NRDC: variants seen among roughly 807,000 people sequenced by gnomAD.
NRDC encodes the protein nardilysin convertase.
A neutral mutation model predicts 147.1 loss-of-function variants in NRDC; 54 were observed. The ratio of observed to expected loss-of-function variants is 0.37; its 90% CI spans 0.29 to 0.46. The LOEUF (loss-of-function observed/expected upper bound fraction) is 0.46. Among genes scored for constraint, NRDC ranks in the 20% least tolerant of loss-of-function variants. The pLI, the probability that NRDC is intolerant of heterozygous loss-of-function variation, is 1.00. For synonymous variants in NRDC, 440 were observed against 482.1 expected, an observed-to-expected ratio of 0.91 and a Z score of 1.14; for missense variants, 1,082 against 1,370.6, an observed-to-expected ratio of 0.79 and a Z score of 3.33.
chr1:51,805,087 C>T (rs932190773), intron 19 of NRDC, among the ~76,000 whole-genome samples: 6 of 152,204 alleles, frequency 3.9e-5, no homozygotes, highest in South Asian at 2.1e-4. Flanking sequence ...TTAGGGTCTC[C>T]GACCACCCAC....
Position 51,794,512 on chromosome 1 carries a change from T to C in NRDC, c.2735A>G (p.Asn912Ser). ...GACTTCAGAGTTGGCATCACCCTTG[T>C]TCAGAGCTTTCACTTTGCATAGATG... The part of the protein sequence containing the change: ...GHHLCKVKAL[N>S]KGDANSEVTV... The change falls in exon 24 of 31, where the codon AAC becomes AGC. Residue 912 changes from asparagine to serine, a missense_variant. Transcript: ENST00000352171. The C allele has an allele frequency of 6.2e-7, 1 of 1,614,182 alleles. No homozygotes were observed. Among genetic ancestry groups the C allele is most frequent in the East Asian group, 2.2e-5 (1 of 44,878 alleles).
intron 1 of NRDC, among the ~76,000 whole-genome samples, chr1:51,860,945 T>C (rs1046494097): frequency 6.6e-6 from 1 of 151,486 alleles, no homozygotes; most frequent in African/African-American, 2.4e-5. Context: ...CCAAGTGGTA[T>C]TACTTCTTTT....
intron 5 of NRDC, among the ~76,000 whole-genome samples, chr1:51,827,269 A>C (rs1012240510): frequency 6.6e-6 from 1 of 152,214 alleles, no homozygotes. Context: ...TAGACACTGC[A>C]TCAAACCAAG....
At chr1:51,869,628 C>G (rs1467326381) in intron 1 of NRDC, among the ~76,000 whole-genome samples, 2 of 152,122 alleles carry the variant, frequency 1.3e-5, no homozygotes, top group Admixed American at 1.3e-4. Context: ...CATTGTAAAA[C>G]TGTAACATAA....
intron 8 of NRDC, among the ~76,000 whole-genome samples, chr1:51,820,463 T>A (rs1680163835): frequency 6.6e-6 from 1 of 152,180 alleles, no homozygotes; most frequent in African/African-American, 2.4e-5. Flanking sequence ...AGATTTTTTT[T>A]AATGCTCATC....
intron 4 of NRDC, among the ~76,000 whole-genome samples, chr1:51,833,582 AC>A (rs1680814920): frequency 6.6e-6 from 1 of 152,150 alleles, no homozygotes. Context: ...AGTGTATTTA[AC>A]AGTTTAACAG....
Position 51,840,325 on chromosome 1 carries a change from CTCA to C in NRDC, c.528_530del (p.Asp176del). On this transcript the variant is annotated inframe_deletion, in exon 2 of 31. Coordinates refer to ENST00000352171, the MANE Select transcript of NRDC (RefSeq NM_001101662.2). Reference sequence around the variant, plus strand: ...GATCATCATCATGTTCATCATCAAACTCATCTTCATCATCAAAACCCTCTTCAT... The same window carrying C: ...GATCATCATCATGTTCATCATCAAACTCTTCATCATCAAAACCCTCTTCAT... 1.3e-6 allele frequency: 2 copies of C among 1,547,880 alleles called. No individual in the cohort carries two copies. The highest frequency in any genetic ancestry group is 1.8e-6 in the Non-Finnish European group (2 of 1,120,142).
intron 1 of NRDC, among the ~76,000 whole-genome samples, chr1:51,869,978 G>A (rs1264189568): frequency 1.3e-5 from 2 of 152,158 alleles, no homozygotes; most frequent in Non-Finnish European, 2.9e-5. Context: ...GAACTACTGG[G>A]CTCAAGCCAT....
In NRDC at chr1:51,836,162, G is replaced by T. The variant is rs971687802; in HGVS notation, c.681C>A (p.Asp227Glu). 1 of 1,614,134 alleles carries T rather than the reference G, an allele frequency of 6.2e-7. No individual in the cohort carries two copies. The highest frequency in any genetic ancestry group is 8.5e-7 in the Non-Finnish European group (1 of 1,180,020). Residue 227 changes from aspartate (D) to glutamate (E), a missense_variant, in exon 3 of 31, where the codon GAC (aspartate) becomes GAA (glutamate). By Grantham distance (45) the Asp-to-Glu change is conservative. This residue lies in a region of NRDC where 635 missense variants were observed against 923.8 expected (regional missense o/e 0.69). Coordinates refer to ENST00000352171, the MANE Select transcript of NRDC (RefSeq NM_001101662.2). Reference protein sequence around the residue: ...VGVGSFADPDDLPGLAHFLEH... With the variant: ...VGVGSFADPDELPGLAHFLEH... ...CCAAAAAGTGTGCCAGCCCCGGCAGGTCATCTGGATCAGCGAAACTCCCAA... is the reference window on the plus strand; with the variant it reads ...CCAAAAAGTGTGCCAGCCCCGGCAGTTCATCTGGATCAGCGAAACTCCCAA...
At chr1:51,860,499 C>T (rs181286703) in intron 1 of NRDC, among the ~76,000 whole-genome samples, 6 of 152,294 alleles carry the variant, frequency 3.9e-5, no homozygotes, top group East Asian at 1.9e-4. Flanking sequence ...TTCTCTTACT[C>T]GACTCTCCCA....
At chr1:51,851,959 G>A (rs918440164) in intron 1 of NRDC, among the ~76,000 whole-genome samples, 7 of 152,052 alleles carry the variant, frequency 4.6e-5, no homozygotes, top group Non-Finnish European at 1.0e-4. Flanking sequence ...GCCATTTATC[G>A]TTCCTTTTTC....
At chr1:51,872,982 T>G (rs539528146) in intron 1 of NRDC, among the ~76,000 whole-genome samples, 37 of 152,274 alleles carry the variant, frequency 2.4e-4, no homozygotes, top group African/African-American at 8.9e-4. Flanking sequence ...CACATGGAAG[T>G]CATAATGATT....
At position 51,794,536 on chromosome 1, in the gene NRDC, T is replaced by C. The variant is rs1194601598; in HGVS notation, c.2711A>G (p.His904Arg). 1.2e-6 allele frequency: 2 copies of C among 1,614,184 alleles called. No homozygotes were observed. Among genetic ancestry groups the C allele is most frequent in the South Asian group, 2.2e-5 (2 of 91,080 alleles). ...FQVVELPSGH[H>R]LCKVKALNKG... ...GTTCAGAGCTTTCACTTTGCATAGA[T>C]GGTGGCCACTGGGCAGCTCTACCAC... Residue 904 changes from histidine (H) to arginine (R), a missense_variant, in exon 24 of 31, where the codon CAT becomes CGT. By Grantham distance (29) the His-to-Arg change is conservative. Coordinates refer to ENST00000352171, the MANE Select transcript of NRDC (RefSeq NM_001101662.2).
At chr1:51,801,876 C>T (rs549143311) in intron 20 of NRDC, among the ~76,000 whole-genome samples, 3 of 152,186 alleles carry the variant, frequency 2.0e-5, no homozygotes, top group African/African-American at 7.2e-5. Flanking sequence ...CAAGCTCCGC[C>T]TCCCAGGGTC....
chr1:51,873,000 T>C (rs912812053), intron 1 of NRDC, among the ~76,000 whole-genome samples: 3 of 152,192 alleles, frequency 2.0e-5, no homozygotes, highest in Non-Finnish European at 4.4e-5. Context: ...ATTTCTTTTG[T>C]AGCTGTGAGA....
At chr1:51,876,550 T>C (rs1344370581) in intron 1 of NRDC, among the ~76,000 whole-genome samples, 1 of 152,216 alleles carries the variant, frequency 6.6e-6, no homozygotes, top group Non-Finnish European at 1.5e-5. Context: ...ACTTGTGGTG[T>C]CATGTTGGCG....
chr1:51,845,449 C>T (rs1325728783), intron 1 of NRDC, among the ~76,000 whole-genome samples: 1 of 152,138 alleles, frequency 6.6e-6, no homozygotes, highest in Non-Finnish European at 1.5e-5. Context: ...CAAATATTAG[C>T]TTGTGTGGTG....
chr1:51,792,686 T>G (rs1678712373), intron 24 of NRDC, among the ~76,000 whole-genome samples: 1 of 152,210 alleles, frequency 6.6e-6, no homozygotes, highest in South Asian at 2.1e-4. Flanking sequence ...TAATAATCCC[T>G]GACCTGCCAG....
At chr1:51,814,666 A>C in intron 12 of NRDC, 27 bp downstream of exon 12, 1 of 1,605,064 alleles carries the variant, frequency 6.2e-7, no homozygotes, top group African/African-American at 1.3e-5. Context: ...CGTAAAAGGA[A>C]AAAACAACTG....
Sources: gnomAD v4.1 joint callset for allele counts (sites outside exome capture counted in the v4.1 genomes callset) on GRCh38, gnomAD v4.1.1 for gene constraint, gnomAD v4.1.1 regional missense constraint, MANE v1.5 for transcripts, NCBI Gene and HGNC (gene_info 2026-07-23, HGNC 2026-07-21) for gene names.